Variants in C13orf46 observed in about 807,000 individuals in gnomAD.
C13orf46 encodes chromosome 13 open reading frame 46.
the C13orf46 span, among the ~76,000 whole-genome samples, chr13:113,947,247 G>A: frequency 0.13 from 20,510 of 152,200 alleles, 1,672 homozygotes; most frequent in Non-Finnish European, 0.17. Context: ...CAGGACAAGC[G>A]TCGGGGCAGG....
chr13:113,966,535 GTAA>G (rs1446538762), intron 5 of C13orf46, among the ~76,000 whole-genome samples: 4 of 149,748 alleles, frequency 2.7e-5, no homozygotes, highest in African/African-American at 4.9e-5. Flanking sequence ...GGTGATGATG[GTAA>G]TAATGGTGAT....
downstream of C13orf46, among the ~76,000 whole-genome samples, chr13:113,948,730 ATGAGCT>A (rs1199445835): frequency 6.6e-6 from 1 of 152,240 alleles, no homozygotes; most frequent in Non-Finnish European, 1.5e-5. Context: ...CTCAGTGTGC[ATGAGCT>A]TATCACCTAA....
At chr13:113,958,647 C>T (rs947730319) in intron 6 of C13orf46, among the ~76,000 whole-genome samples, 364 of 152,370 alleles carry the variant, frequency 2.4e-3, no homozygotes, top group Non-Finnish European at 4.3e-3. Context: ...AATGGACAGA[C>T]GGCTCGCGGG....
chr13:113,946,427 G>A, the C13orf46 span, among the ~76,000 whole-genome samples: 2 of 152,178 alleles, frequency 1.3e-5, no homozygotes, highest in African/African-American at 2.4e-5. Context: ...CTCTGCACGC[G>A]GCACACAGGA....
chr13:113,932,203 A>G, the C13orf46 span, among the ~76,000 whole-genome samples: 1 of 152,218 alleles, frequency 6.6e-6, no homozygotes, highest in South Asian at 2.1e-4. Flanking sequence ...GATTACAGGC[A>G]AGGTTGTTGT....
rs2052517916 is a variant in C13orf46 at position 113,955,393 on chromosome 13, G to C, written c.*1380C>G. ...GCGGAGAGGAGGAGCATCCGGCGGA[G>C]ACGAGGAGCATCCGGCGGTGACGAG... On this transcript the variant is annotated 3_prime_UTR_variant, in exon 7 of 7. Coordinates refer to ENST00000636427, the MANE Select transcript of C13orf46 (RefSeq NM_001365455.2). 5.8e-6 allele frequency: 1 copy of C among 172,674 alleles called. No homozygotes were observed. Among genetic ancestry groups the C allele is most frequent in the African/African-American group, 2.5e-5 (1 of 40,392 alleles). The allele number at this position is 172,674 out of a possible 1,614,324, so 10.7% of individuals were successfully genotyped here. A position where few individuals can be genotyped will look rare whatever the true frequency, so the allele number is the denominator to read the frequency against.
chr13:113,949,264 T>C (rs1208285706), downstream of C13orf46, among the ~76,000 whole-genome samples: 1 of 152,230 alleles, frequency 6.6e-6, no homozygotes, highest in Non-Finnish European at 1.5e-5. Flanking sequence ...TAAGCATGAT[T>C]GTACGTAAAG....
At chr13:113,943,853 G>A in the C13orf46 span, among the ~76,000 whole-genome samples, 2 of 152,182 alleles carry the variant, frequency 1.3e-5, no homozygotes, top group African/African-American at 4.8e-5. Flanking sequence ...ACCTGGTGGA[G>A]GAGGCTCTCA....
chr13:113,931,067 C>T, the C13orf46 span, among the ~76,000 whole-genome samples: 6 of 152,174 alleles, frequency 3.9e-5, no homozygotes, highest in East Asian at 1.9e-4. Context: ...GTATTTGCCC[C>T]GTGTTTCTGC....
the C13orf46 span, among the ~76,000 whole-genome samples, chr13:113,935,824 A>C: frequency 6.6e-6 from 1 of 152,256 alleles, no homozygotes; most frequent in Non-Finnish European, 1.5e-5. Context: ...TTAAAAGAGA[A>C]ATAAACAGCC....
chr13:113,961,343 A>G (rs1161802519), intron 6 of C13orf46, among the ~76,000 whole-genome samples: 1 of 151,872 alleles, frequency 6.6e-6, no homozygotes, highest in Non-Finnish European at 1.5e-5. Flanking sequence ...ATTGTAAACT[A>G]TATTTGTATG....
chr13:113,941,591 G>A, the C13orf46 span, among the ~76,000 whole-genome samples: 22 of 152,224 alleles, frequency 1.4e-4, no homozygotes, highest in Non-Finnish European at 2.9e-4. Context: ...GGGCGTCTGA[G>A]ACCCAGGAAC....
the C13orf46 span, among the ~76,000 whole-genome samples, chr13:113,937,481 G>A: frequency 6.6e-6 from 1 of 152,210 alleles, no homozygotes; most frequent in African/African-American, 2.4e-5. Flanking sequence ...CTCATACACA[G>A]CTGCAGGTGA....
At chr13:113,945,605 GA>G in the C13orf46 span, among the ~76,000 whole-genome samples, 367 of 93,720 alleles carry the variant, frequency 3.9e-3, 1 homozygote, top group Middle Eastern at 0.01. Context: ...AAGAAAGAAA[GA>G]AGAAAGAAAG....
chr13:113,971,734 G>A (rs922537915), intron 1 of C13orf46, among the ~76,000 whole-genome samples: 6 of 152,236 alleles, frequency 3.9e-5, no homozygotes, highest in Non-Finnish European at 7.3e-5. Context: ...GTGGCACTGG[G>A]CATGTCATGG....
intron 6 of C13orf46, among the ~76,000 whole-genome samples, chr13:113,962,107 T>TA (rs1244002425): frequency 6.6e-6 from 1 of 152,068 alleles, no homozygotes; most frequent in East Asian, 1.9e-4. Context: ...TCATGCTAAT[T>TA]AAAAAAGAGA....
At chr13:113,971,156 G>A (rs1238689800) in intron 1 of C13orf46, among the ~76,000 whole-genome samples, 1 of 152,198 alleles carries the variant, frequency 6.6e-6, no homozygotes, top group Non-Finnish European at 1.5e-5. Flanking sequence ...TGTTTGCGGA[G>A]ACCCTGGCTT....
chr13:113,945,165 G>A, the C13orf46 span, among the ~76,000 whole-genome samples: 154 of 152,194 alleles, frequency 1.0e-3, 1 homozygote, highest in Non-Finnish European at 1.4e-3. Flanking sequence ...TGCGTGGGCC[G>A]TTCCGGGTTT....
At chr13:113,966,594 G>A (rs1195441728) in intron 5 of C13orf46, among the ~76,000 whole-genome samples, 4 of 151,680 alleles carry the variant, frequency 2.6e-5, no homozygotes, top group African/African-American at 9.7e-5. Flanking sequence ...TGATGGTGAT[G>A]ATGATGGTGA....
Sources: gnomAD v4.1 joint callset for allele counts (sites outside exome capture counted in the v4.1 genomes callset) on GRCh38, gnomAD v4.1.1 for gene constraint, MANE v1.5 for transcripts, NCBI Gene and HGNC (gene_info 2026-07-23, HGNC 2026-07-21) for gene names.